CNTNAP2: variants seen among roughly 807,000 people sequenced by gnomAD.
The protein encoded by CNTNAP2 is contactin-associated protein-like 2.
In CNTNAP2, 98 loss-of-function variants were observed where a neutral mutation model predicts 155.2. The observed-to-expected ratio is 0.63, with a 90% CI of 0.54 to 0.75. The LOEUF (loss-of-function observed/expected upper bound fraction) is 0.75, where lower values mean the gene tolerates loss of function less well. CNTNAP2 is among the 30% of genes least tolerant of loss of function. The pLI is 0.00. For missense variants in CNTNAP2, 1,727 were observed against 1,688.1 expected (o/e 1.02, Z -0.40); for synonymous variants, 651 against 631.2 (o/e 1.03, Z -0.47).
chr7:147,449,958 G>A (rs149447526), intron 10 of CNTNAP2, among the ~76,000 whole-genome samples: 180 of 152,082 alleles, frequency 1.2e-3, no homozygotes, highest in Non-Finnish European at 2.0e-3. Context: ...TTACCACTTC[G>A]GGACATCCTT....
At position 147,013,797 on chromosome 7, in the gene CNTNAP2, C is replaced by A. The variant is rs138212137; in HGVS notation, c.403-30110C>A. Among the ~76,000 whole-genome samples, 542 of 152,198 alleles carry A rather than the reference C, an allele frequency of 3.6e-3. 9 individuals carry two copies. Among genetic ancestry groups the A allele is most frequent in the African/African-American group, 0.012 (508 of 41,540 alleles). ...AATTTGAGGTTCTTGAAAGAGGAAT[C>A]CTGTCTTATTCCTCTTTGGGATAAG... On this transcript the variant is annotated intron_variant, in intron 3 of 23. Transcript: ENST00000361727.
chr7:146,720,676 A>G lies in CNTNAP2; in HGVS notation c.98-53595A>G, dbSNP rs566046354. 7.9e-5 allele frequency among the ~76,000 whole-genome samples: 12 copies of G among 151,740 alleles called. No individual in the cohort carries two copies. In the East Asian group the frequency reaches 2.3e-3, roughly 30 times the overall value. The stretch of plus-strand genomic sequence containing the variant: ...GAGTATCTTACTTCCATTTCCATTC[A>G]CTGTCTGTTACGTTTTCACTCTTTA... On this transcript the variant is annotated intron_variant, in intron 1 of 23. Coordinates refer to ENST00000361727, the MANE Select transcript of CNTNAP2 (RefSeq NM_014141.6).
rs76236275 is a variant in CNTNAP2 at position 147,882,611 on chromosome 7, C to T, written c.2099-20954C>T. On this transcript the variant is annotated intron_variant, in intron 13 of 23. Coordinates refer to ENST00000361727, the MANE Select transcript of CNTNAP2 (RefSeq NM_014141.6). Reference sequence around the variant, plus strand: ...ACCAGAGTGGAGGTAGGAAGGCTTCCGAGTCTCTCTTTGTAAAGCCTGTGA... The same window carrying T: ...ACCAGAGTGGAGGTAGGAAGGCTTCTGAGTCTCTCTTTGTAAAGCCTGTGA... Among the ~76,000 whole-genome samples the T allele has an allele frequency of 3.7e-3, 566 of 152,226 alleles. 1 individual carries two copies. Among genetic ancestry groups the T allele is most frequent in the South Asian group, 8.3e-3 (40 of 4,822 alleles).
chr7:148,251,251 T>G (rs1004280608), intron 20 of CNTNAP2, among the ~76,000 whole-genome samples: 2 of 152,190 alleles, frequency 1.3e-5, no homozygotes, highest in African/African-American at 4.8e-5. Context: ...TTTGCTAGAA[T>G]GATTTGCAGA....
intron 3 of CNTNAP2, among the ~76,000 whole-genome samples, chr7:146,853,874 TAATTAGGTTTAC>T (rs902587828): frequency 6.6e-6 from 1 of 152,198 alleles, no homozygotes; most frequent in Non-Finnish European, 1.5e-5. Flanking sequence ...TATGCAGCTA[TAATTAGGTTTAC>T]AATTTATAAA....
intron 11 of CNTNAP2, among the ~76,000 whole-genome samples, chr7:147,500,249 C>A (rs1437791081): frequency 2.6e-5 from 4 of 152,030 alleles, no homozygotes; most frequent in Admixed American, 2.6e-4. Context: ...GATTATAAAT[C>A]AGTTATTAAA....
chr7:148,002,674 A>G (rs1801918079), intron 15 of CNTNAP2, among the ~76,000 whole-genome samples: 1 of 152,150 alleles, frequency 6.6e-6, no homozygotes, highest in African/African-American at 2.4e-5. Context: ...ACATTATTTT[A>G]GGTTAGGATC....
intron 13 of CNTNAP2, among the ~76,000 whole-genome samples, chr7:147,862,236 C>T (rs6959742): frequency 0.6 from 90,338 of 151,284 alleles, 27,217 homozygotes; most frequent in Middle Eastern, 0.69. Flanking sequence ...GTGATTACAG[C>T]ATTAGAGGTT....
chr7:147,347,845 A>C (rs2116872745), intron 9 of CNTNAP2, among the ~76,000 whole-genome samples: 1 of 152,236 alleles, frequency 6.6e-6, no homozygotes, highest in South Asian at 2.1e-4. Flanking sequence ...ATGGACTAAT[A>C]AAACAGAATA....
chr7:147,113,773 T>G (rs1800932079), intron 5 of CNTNAP2, among the ~76,000 whole-genome samples: 1 of 152,180 alleles, frequency 6.6e-6, no homozygotes, highest in Non-Finnish European at 1.5e-5. Context: ...GATTTATTGA[T>G]TTTTTGAAGG....
At chr7:146,984,089 C>T (rs1052253204) in intron 3 of CNTNAP2, among the ~76,000 whole-genome samples, 9 of 152,002 alleles carry the variant, frequency 5.9e-5, no homozygotes, top group African/African-American at 2.2e-4. Context: ...TTTATCTGGC[C>T]AGGCGCGGTG....
At chr7:148,391,392 T>TTTTTATAGGGGGATGAGGTAAACAAAA (rs1799345148) in intron 22 of CNTNAP2, among the ~76,000 whole-genome samples, 1 of 152,124 alleles carries the variant, frequency 6.6e-6, no homozygotes, top group Non-Finnish European at 1.5e-5. Flanking sequence ...TAAGAACACA[T>TTTTTATAGGGGGATGAGGTAAACAAAA]TTTTATAGGG....
chr7:147,735,153 G>A (rs995287431), intron 13 of CNTNAP2, among the ~76,000 whole-genome samples: 1 of 151,866 alleles, frequency 6.6e-6, no homozygotes, highest in Non-Finnish European at 1.5e-5. Context: ...TCTCTTGTGG[G>A]CATTTAGTGC....
At chr7:148,396,138 T>C (rs990113779) in intron 22 of CNTNAP2, among the ~76,000 whole-genome samples, 1 of 152,186 alleles carries the variant, frequency 6.6e-6, no homozygotes, top group African/African-American at 2.4e-5. Flanking sequence ...CGGTTGTACA[T>C]GTTGCCATGG....
At position 146,657,650 on chromosome 7, in the gene CNTNAP2, G is replaced by A. The variant is rs534474680; in HGVS notation, c.98-116621G>A. 7.2e-5 allele frequency among the ~76,000 whole-genome samples: 11 copies of A among 151,968 alleles called. 1 individual carries two copies. The highest frequency in any genetic ancestry group is 1.2e-4 in the Non-Finnish European group (8 of 67,946). ...ACTGGTTTTGTTCTCTAAACTACTAGTTTTTTGCCATAACTGTTTTTTCTT... is the reference window on the plus strand; with the variant it reads ...ACTGGTTTTGTTCTCTAAACTACTAATTTTTTGCCATAACTGTTTTTTCTT... On this transcript the variant is annotated intron_variant, in intron 1 of 23. Transcript: ENST00000361727.
At chr7:146,953,234 T>C (rs1300736940) in intron 3 of CNTNAP2, among the ~76,000 whole-genome samples, 1 of 151,912 alleles carries the variant, frequency 6.6e-6, no homozygotes, top group African/African-American at 2.4e-5. Context: ...GCTCAAGAAG[T>C]ACCAGCCACA....
At chr7:147,334,407 C>G (rs960794513) in intron 9 of CNTNAP2, among the ~76,000 whole-genome samples, 1 of 152,118 alleles carries the variant, frequency 6.6e-6, no homozygotes, top group Non-Finnish European at 1.5e-5. Flanking sequence ...TCTTCCCTTG[C>G]CATTTATTTC....
At chr7:147,347,420 T>TTATA (rs137977529) in intron 9 of CNTNAP2, among the ~76,000 whole-genome samples, 34 of 120,738 alleles carry the variant, frequency 2.8e-4, no homozygotes, top group African/African-American at 9.9e-4. Context: ...TGTGAAAAGA[T>TTATA]TATATATATA....
chr7:148,102,284 T>C (rs558435760), intron 15 of CNTNAP2, among the ~76,000 whole-genome samples: 2 of 152,210 alleles, frequency 1.3e-5, no homozygotes, highest in Non-Finnish European at 2.9e-5. Flanking sequence ...CCCATGCATG[T>C]TCCCTCAAAA....
Sources: allele counts gnomAD v4.1 joint callset (sites outside exome capture counted in the v4.1 genomes callset), GRCh38; gene constraint gnomAD v4.1.1; transcripts MANE v1.5; gene names NCBI Gene and HGNC (gene_info 2026-07-23, HGNC 2026-07-21).